Variants in ATP11A observed in about 807,000 individuals in gnomAD.
ATP11A encodes phospholipid-transporting ATPase IH.
ATP11A carries 81 observed loss-of-function variants against 154.4 expected under a neutral mutation model. The observed-to-expected ratio is 0.52, with a 90% CI of 0.44 to 0.63. The LOEUF is 0.63. Ranked by LOEUF, ATP11A falls within the 30% of genes least tolerant of loss-of-function variation. ATP11A has a pLI of 0.00. For missense variants in ATP11A, 1,316 were observed against 1,474.3 expected (o/e 0.89, Z 1.76); for synonymous variants, 623 against 585.9 (o/e 1.06, Z -0.91).
At chr13:112,760,232 T>A (rs1196955392) in intron 1 of ATP11A, among the ~76,000 whole-genome samples, 1 of 152,178 alleles carries the variant, frequency 6.6e-6, no homozygotes, top group African/African-American at 2.4e-5. Flanking sequence ...TATTCAAAAT[T>A]CATAGTAGTA....
chr13:112,842,236 C>T lies in ATP11A; in HGVS notation c.1706-40C>T, dbSNP rs193254697. On this transcript the variant is annotated intron_variant, in intron 16 of 29. Coordinates refer to ENST00000375645, the MANE Select transcript of ATP11A (RefSeq NM_015205.3). ...ATTTTAAAAAATAATCTAGTCTTCC[C>T]CATATTGTGATTAAACTCCTCATTT... 164 of 1,426,568 alleles carry T rather than the reference C, an allele frequency of 1.1e-4. No homozygotes were observed. The East Asian group carries it at 2.1e-3, about 18-fold the overall frequency. The allele number at this position is 1,426,568 out of a possible 1,614,324, so 88.4% of individuals were successfully genotyped here.
chr13:112,742,017 AGAGTGCTCCCCTTCCCCCACAGGG>A (rs1006634933), intron 1 of ATP11A, among the ~76,000 whole-genome samples: 2 of 151,272 alleles, frequency 1.3e-5, no homozygotes, highest in South Asian at 2.2e-4. Context: ...TCCCCACAGA[AGAGTGCTCCCCTTCCCCCACAGGG>A]GAGTGCTCCC....
Position 112,705,335 on chromosome 13 carries a change from G to A in ATP11A, c.39+14880G>A, listed in dbSNP as rs148785384. 1.8e-3 allele frequency among the ~76,000 whole-genome samples: 281 copies of A among 152,348 alleles called. 1 individual carries two copies. The highest frequency in any genetic ancestry group is 6.3e-3 in the African/African-American group (260 of 41,584). On this transcript the variant is annotated intron_variant, in intron 1 of 29. Transcript: ENST00000375645. ...AATGACACGTAGAGAGGGAAACCCT[G>A]GGATTCTCGTAGGGGAGGGTGTGTG...
At chr13:112,818,983 T>C (rs931590928) in intron 6 of ATP11A, among the ~76,000 whole-genome samples, 11 of 152,232 alleles carry the variant, frequency 7.2e-5, no homozygotes, top group African/African-American at 2.7e-4. Context: ...AGGAAAGGGA[T>C]ATTTCAGGTC....
At position 112,860,172 on chromosome 13, in the gene ATP11A, G is replaced by C. The variant is rs919180752; in HGVS notation, c.2728-115G>C. 37 of 1,245,934 alleles carry C rather than the reference G, an allele frequency of 3.0e-5. No homozygotes were observed. The African/African-American group carries it at 4.4e-4, about 15-fold the overall frequency. The allele number at this position is 1,245,934 out of a possible 1,614,324, so 77.2% of individuals were successfully genotyped here. A position where few individuals can be genotyped will look rare whatever the true frequency, so the allele number is the denominator to read the frequency against. ...ACCCTAGTTTATATTGTTAAGCTTT[G>C]AAAAGCGCTCTGGTCTTTCTATGCA... On this transcript the variant is annotated intron_variant, in intron 23 of 29. Transcript: ENST00000375645.
At chr13:112,751,486 C>A (rs543357652) in intron 1 of ATP11A, among the ~76,000 whole-genome samples, 3 of 151,916 alleles carry the variant, frequency 2.0e-5, no homozygotes, top group Admixed American at 6.6e-5. Flanking sequence ...ATGGTGAAAC[C>A]CCATCTCTAT....
intron 1 of ATP11A, among the ~76,000 whole-genome samples, chr13:112,768,770 G>A (rs576515888): frequency 1.8e-4 from 27 of 152,318 alleles, no homozygotes; most frequent in Non-Finnish European, 2.9e-4. Context: ...TTCCCGCTGG[G>A]CTCGTGGGTG....
At chr13:112,867,289 C>T (rs939215762) in intron 25 of ATP11A, among the ~76,000 whole-genome samples, 2 of 152,214 alleles carry the variant, frequency 1.3e-5, no homozygotes, top group African/African-American at 2.4e-5. Flanking sequence ...TGTCAGCTCC[C>T]GAGAGGCAGG....
At chr13:112,722,952 T>G (rs1162227178) in intron 1 of ATP11A, among the ~76,000 whole-genome samples, 1 of 152,126 alleles carries the variant, frequency 6.6e-6, no homozygotes, top group African/African-American at 2.4e-5. Context: ...TTTAAGTATT[T>G]TTTTTCAGAG....
chr13:112,734,612 C>T (rs568141644), intron 1 of ATP11A, among the ~76,000 whole-genome samples: 1 of 152,216 alleles, frequency 6.6e-6, no homozygotes, highest in Admixed American at 6.5e-5. Flanking sequence ...ATGCAGACTT[C>T]GAAAATGTGA....
At chr13:112,722,277 G>A (rs1006529278) in intron 1 of ATP11A, among the ~76,000 whole-genome samples, 2 of 147,046 alleles carry the variant, frequency 1.4e-5, no homozygotes, top group South Asian at 2.2e-4. Flanking sequence ...CCGGCGGGGG[G>A]TAGGGGGACC....
At chr13:112,815,553 T>C (rs926348135) in intron 5 of ATP11A, among the ~76,000 whole-genome samples, 1 of 152,256 alleles carries the variant, frequency 6.6e-6, no homozygotes, top group Non-Finnish European at 1.5e-5. Context: ...TGAAATAAAA[T>C]GGATACAGAC....
chr13:112,865,106 T>C (rs2080280559), intron 25 of ATP11A, among the ~76,000 whole-genome samples: 3 of 105,988 alleles, frequency 2.8e-5, no homozygotes, highest in African/African-American at 7.3e-5. Context: ...GTGCAGCCCA[T>C]GCAGCTTCCC....
At position 112,700,179 on chromosome 13, in the gene ATP11A, T is replaced by C. The variant is rs532786027; in HGVS notation, c.39+9724T>C. Among the ~76,000 whole-genome samples, 6 of 152,232 alleles carry C rather than the reference T, an allele frequency of 3.9e-5. No homozygotes were observed. The South Asian group carries it at 1.2e-3, about 32-fold the overall frequency. ...TGATCAAAGGCATAATTGGTTGAAT[T>C]ATGCATTCGACAAGGATGGAAATTA... is the stretch of plus-strand genomic sequence containing the variant. On this transcript the variant is annotated intron_variant, in intron 1 of 29. Transcript: ENST00000375645.
At chr13:112,778,440 C>G (rs2077400120) in intron 1 of ATP11A, among the ~76,000 whole-genome samples, 2 of 152,336 alleles carry the variant, frequency 1.3e-5, no homozygotes, top group South Asian at 2.1e-4. Flanking sequence ...GAAATACATT[C>G]TAAGTTGAGG....
intron 1 of ATP11A, among the ~76,000 whole-genome samples, chr13:112,723,078 C>G (rs996356449): frequency 6.6e-6 from 1 of 151,928 alleles, no homozygotes; most frequent in Non-Finnish European, 1.5e-5. Context: ...GGTCAAAGAG[C>G]CCTGTTTAGC....
At chr13:112,740,572 T>G (rs1462397346) in intron 1 of ATP11A, among the ~76,000 whole-genome samples, 1 of 152,086 alleles carries the variant, frequency 6.6e-6, no homozygotes, top group Non-Finnish European at 1.5e-5. Context: ...CCGATAACCT[T>G]TTAGAGGGAG....
chr13:112,793,567 C>T (rs1292532791), intron 2 of ATP11A, among the ~76,000 whole-genome samples: 5 of 152,216 alleles, frequency 3.3e-5, no homozygotes, highest in African/African-American at 1.2e-4. Context: ...AATCCACCAT[C>T]CTGGCATAAT....
chr13:112,796,565 G>A (rs2078003688), intron 2 of ATP11A, among the ~76,000 whole-genome samples: 1 of 152,192 alleles, frequency 6.6e-6, no homozygotes, highest in Non-Finnish European at 1.5e-5. Flanking sequence ...CTCCAGGAAG[G>A]AACCAGCCCT....
Sources: allele counts gnomAD v4.1 joint callset (sites outside exome capture counted in the v4.1 genomes callset), GRCh38; gene constraint gnomAD v4.1.1; transcripts MANE v1.5; gene names NCBI Gene and HGNC (gene_info 2026-07-23, HGNC 2026-07-21).